Variants in ZNF407 observed in about 807,000 individuals in gnomAD.
ZNF407 encodes zinc finger protein 407.
Under a neutral mutation model 131.2 loss-of-function variants are expected in ZNF407, and 17 were observed. The observed-to-expected ratio is 0.13, with a 90% CI of 0.09 to 0.19. The LOEUF is 0.19. ZNF407 is among the 10% of genes least tolerant of loss of function. The pLI is 1.00. For synonymous variants in ZNF407, 1,156 were observed against 1,062.0 expected, an observed-to-expected ratio of 1.09 and a Z score of -1.72; for missense variants, 2,681 against 2,830.6, an observed-to-expected ratio of 0.95 and a Z score of 1.20.
intron 8 of ZNF407, among the ~76,000 whole-genome samples, chr18:75,022,103 T>C (rs189500388): frequency 9.2e-5 from 14 of 152,238 alleles, no homozygotes; most frequent in Admixed American, 8.5e-4. Context: ...TTATAACTAG[T>C]AACTTAACAA....
intron 3 of ZNF407, among the ~76,000 whole-genome samples, chr18:74,743,001 G>A (rs1968585724): frequency 6.6e-6 from 1 of 152,150 alleles, no homozygotes; most frequent in South Asian, 2.1e-4. Context: ...ATGGATGGAA[G>A]ATGATAGATT....
chr18:74,826,961 C>A (rs893954345), intron 4 of ZNF407, among the ~76,000 whole-genome samples: 1 of 152,188 alleles, frequency 6.6e-6, no homozygotes, highest in Non-Finnish European at 1.5e-5. Flanking sequence ...CAAGGAATTT[C>A]TGTATTTTCT....
intron 3 of ZNF407, among the ~76,000 whole-genome samples, chr18:74,746,668 G>C (rs1968675891): frequency 6.6e-6 from 1 of 151,610 alleles, no homozygotes; most frequent in Non-Finnish European, 1.5e-5. Flanking sequence ...TCTGTATCTT[G>C]TCTCAGTGGA....
chr18:74,704,027 A>G (rs1967563710), intron 3 of ZNF407, among the ~76,000 whole-genome samples: 2 of 152,216 alleles, frequency 1.3e-5, no homozygotes, highest in Non-Finnish European at 1.5e-5. Flanking sequence ...AAGTACAGTA[A>G]TGTTCCATAT....
chr18:74,842,203 C>T (rs1286463609), intron 4 of ZNF407, among the ~76,000 whole-genome samples: 1 of 152,054 alleles, frequency 6.6e-6, no homozygotes, highest in African/African-American at 2.4e-5. Context: ...CTAAATTGCC[C>T]GCACCACTTA....
At chr18:75,044,429 CT>C (rs1973409551) in intron 8 of ZNF407, among the ~76,000 whole-genome samples, 1 of 151,658 alleles carries the variant, frequency 6.6e-6, no homozygotes, top group African/African-American at 2.4e-5. Flanking sequence ...CTAGCTTAGA[CT>C]ACAAGAAGCC....
chr18:74,627,248 G>A (rs1039464705), intron 1 of ZNF407, among the ~76,000 whole-genome samples: 1 of 152,144 alleles, frequency 6.6e-6, no homozygotes, highest in Non-Finnish European at 1.5e-5. Context: ...TCTGTTTTAA[G>A]CAATGTATTG....
At chr18:74,726,044 T>C (rs1435739652) in intron 3 of ZNF407, among the ~76,000 whole-genome samples, 1 of 152,164 alleles carries the variant, frequency 6.6e-6, no homozygotes, top group Non-Finnish European at 1.5e-5. Flanking sequence ...TGCCCAGCTA[T>C]TGTAGGGGGC....
intron 3 of ZNF407, among the ~76,000 whole-genome samples, chr18:74,712,952 A>AT (rs1489306186): frequency 6.6e-6 from 1 of 152,092 alleles, no homozygotes; most frequent in South Asian, 2.1e-4. Context: ...ACTTGGGCAG[A>AT]TTTTTTCTTA....
At chr18:74,686,897 G>A (rs2144789405) in intron 3 of ZNF407, among the ~76,000 whole-genome samples, 1 of 152,324 alleles carries the variant, frequency 6.6e-6, no homozygotes, top group African/African-American at 2.4e-5. Context: ...GTACATAAAT[G>A]TGTAAAATGC....
At chr18:74,637,082 A>G (rs1462005016) in intron 2 of ZNF407, among the ~76,000 whole-genome samples, 1 of 152,222 alleles carries the variant, frequency 6.6e-6, no homozygotes, top group Non-Finnish European at 1.5e-5. Flanking sequence ...TGATGTGTCC[A>G]TTACTTGAAT....
At chr18:75,035,981 A>C (rs2122231732) in intron 8 of ZNF407, among the ~76,000 whole-genome samples, 1 of 152,374 alleles carries the variant, frequency 6.6e-6, no homozygotes, top group African/African-American at 2.4e-5. Context: ...AGGTGGCAGG[A>C]ATGGGTGAGA....
At chr18:75,032,582 TC>T (rs1188376641) in intron 8 of ZNF407, among the ~76,000 whole-genome samples, 1 of 152,186 alleles carries the variant, frequency 6.6e-6, no homozygotes, top group Non-Finnish European at 1.5e-5. Flanking sequence ...ATCAGAGTTT[TC>T]CCCCTGCCCA....
chr18:74,812,688 C>A (rs1009428417), intron 4 of ZNF407, among the ~76,000 whole-genome samples: 1 of 152,120 alleles, frequency 6.6e-6, no homozygotes, highest in Admixed American at 6.5e-5. Context: ...CTCTGTACTA[C>A]CTCTGCCTCA....
intron 4 of ZNF407, among the ~76,000 whole-genome samples, chr18:74,853,533 ATAG>A (rs2145149976): frequency 6.6e-6 from 1 of 152,308 alleles, no homozygotes; most frequent in East Asian, 1.9e-4. Flanking sequence ...TTGTAATTGA[ATAG>A]TTATTCTTTT....
At chr18:74,765,820 C>T (rs1969216631) in intron 3 of ZNF407, among the ~76,000 whole-genome samples, 1 of 152,148 alleles carries the variant, frequency 6.6e-6, no homozygotes, top group Non-Finnish European at 1.5e-5. Context: ...TGACAGCTGG[C>T]TCTTTGAGAT....
In ZNF407 at chr18:74,925,516, T is replaced by G. The variant is rs142137375; in HGVS notation, c.5428+4824T>G. On this transcript the variant is annotated intron_variant, in intron 8 of 8. Coordinates refer to ENST00000299687, the MANE Select transcript of ZNF407 (RefSeq NM_017757.3). The stretch of plus-strand genomic sequence containing the variant: ...ATTCAAATTTCCTACATAAAAAAAT[T>G]TCCTTTGTCATTAATTAGAACCATT... Among the ~76,000 whole-genome samples the G allele has an allele frequency of 1.8e-3, 279 of 152,338 alleles. 4 individuals carry two copies. Among genetic ancestry groups the G allele is most frequent in the African/African-American group, 6.3e-3 (262 of 41,574 alleles).
chr18:75,019,787 G>A (rs1413011125), intron 8 of ZNF407, among the ~76,000 whole-genome samples: 1 of 152,128 alleles, frequency 6.6e-6, no homozygotes, highest in Non-Finnish European at 1.5e-5. Context: ...CAATCATGGT[G>A]AAAAGGCAAA....
intron 7 of ZNF407, among the ~76,000 whole-genome samples, chr18:74,911,374 T>G (rs1224802460): frequency 6.6e-6 from 1 of 152,220 alleles, no homozygotes; most frequent in Non-Finnish European, 1.5e-5. Flanking sequence ...CAAAAAAATC[T>G]TGTTAGAATT....
Sources: gnomAD v4.1 joint callset for allele counts (sites outside exome capture counted in the v4.1 genomes callset) on GRCh38, gnomAD v4.1.1 for gene constraint, MANE v1.5 for transcripts, NCBI Gene and HGNC (gene_info 2026-07-23, HGNC 2026-07-21) for gene names.